DKK4: variants seen among roughly 807,000 people sequenced by gnomAD.
The protein encoded by DKK4 is dickkopf-related protein 4.
A neutral mutation model predicts 14.5 loss-of-function variants in DKK4; 15 were observed. The ratio of observed to expected loss-of-function variants is 1.03; its 90% confidence interval spans 0.69 to 1.59. DKK4 has a LOEUF of 1.59. Among genes scored for constraint, DKK4 ranks in the 40% most tolerant of loss-of-function variants. The pLI, the probability that DKK4 is intolerant of heterozygous loss-of-function variation, is 0.00. For synonymous variants in DKK4, 89 were observed against 105.2 expected (o/e 0.85, Z 0.94); for missense variants, 272 against 280.3 (o/e 0.97, Z 0.21).
the DKK4 span, among the ~76,000 whole-genome samples, chr8:42,387,877 G>C: frequency 6.6e-6 from 1 of 150,800 alleles, no homozygotes; most frequent in Non-Finnish European, 1.5e-5. Flanking sequence ...ACAGAATGTT[G>C]TGAAATTTCC....
At chr8:42,377,319 A>T, upstream of DKK4, 1 of 395,748 alleles carries the variant, frequency 2.5e-6, no homozygotes, top group South Asian at 5.1e-5. Context: ...GGCTTCAACA[A>T]ATCCCTTCAA....
At chr8:42,380,567 AG>A (rs1824655016), upstream of DKK4, among the ~76,000 whole-genome samples, 1 of 150,870 alleles carries the variant, frequency 6.6e-6, no homozygotes, top group South Asian at 2.1e-4. Flanking sequence ...AAAAAATGAA[AG>A]GAAGACAAAC....
the DKK4 span, among the ~76,000 whole-genome samples, chr8:42,390,641 G>A: frequency 2.6e-5 from 4 of 152,246 alleles, no homozygotes; most frequent in East Asian, 7.7e-4. Context: ...GGGATTACAG[G>A]CTGCTTCCTT....
upstream of DKK4, chr8:42,377,296 C>T (rs1824584276): frequency 4.2e-6 from 2 of 476,818 alleles, no homozygotes; most frequent in South Asian, 3.4e-5. Context: ...GTTCCTTCCT[C>T]CTGCCCCACA....
the DKK4 span, among the ~76,000 whole-genome samples, chr8:42,387,778 G>A: frequency 2.0e-5 from 3 of 152,268 alleles, no homozygotes; most frequent in East Asian, 3.9e-4. Flanking sequence ...CTTCCTCCAC[G>A]GTTTTCTCAT....
chr8:42,380,405 AAGAAAG>A (rs1297266212), upstream of DKK4, among the ~76,000 whole-genome samples: 4 of 95,060 alleles, frequency 4.2e-5, no homozygotes, highest in African/African-American at 6.0e-4. Flanking sequence ...GGAAGGAAAA[AAGAAAG>A]AAAAGAAAGA....
chr8:42,390,413 G>C, the DKK4 span, among the ~76,000 whole-genome samples: 4 of 141,830 alleles, frequency 2.8e-5, no homozygotes, highest in South Asian at 9.1e-4. Context: ...GCCCAGGCTG[G>C]AGTGCAGTGG....
At chr8:42,384,406 G>A in the DKK4 span, among the ~76,000 whole-genome samples, 1 of 152,198 alleles carries the variant, frequency 6.6e-6, no homozygotes, top group African/African-American at 2.4e-5. Context: ...GCCTCCCAAA[G>A]TGCTAGGATT....
the DKK4 span, among the ~76,000 whole-genome samples, chr8:42,384,071 TGAC>T: frequency 6.3e-4 from 96 of 152,338 alleles, no homozygotes; most frequent in Middle Eastern, 3.4e-3. Context: ...ACGCTGCGGC[TGAC>T]ATGTTCATGG....
chr8:42,376,115 A>G (rs137895573), intron 1 of DKK4, among the ~76,000 whole-genome samples: 1 of 152,224 alleles, frequency 6.6e-6, no homozygotes, highest in Non-Finnish European at 1.5e-5. Context: ...ATGTTTTCCT[A>G]TGTGTGTCTT....
intron 2 of DKK4, 135 bp downstream of exon 2, chr8:42,375,545 G>C: frequency 9.2e-7 from 1 of 1,092,250 alleles, no homozygotes; most frequent in Non-Finnish European, 1.3e-6. Context: ...GAAAAGAAAA[G>C]GCAGCTGCAT....
upstream of DKK4, among the ~76,000 whole-genome samples, chr8:42,380,578 C>T (rs185786182): frequency 4.1e-4 from 42 of 103,162 alleles, no homozygotes; most frequent in Admixed American, 3.0e-3. Flanking sequence ...GGAAGACAAA[C>T]GAAAGGAAGG....
upstream of DKK4, among the ~76,000 whole-genome samples, chr8:42,378,619 G>A (rs889015094): frequency 1.3e-5 from 2 of 152,032 alleles, no homozygotes; most frequent in African/African-American, 2.4e-5. Context: ...GAGCCCCCAG[G>A]GTTCTGTCTC....
rs765548766 is a variant in DKK4, at chr8:42,374,203, A to G, written c.572T>C (p.Phe191Ser). Residue 191 changes from phenylalanine to serine, a missense_variant, in exon 4 of 4, where the codon TTC becomes TCC. By Grantham distance (155) the Phe-to-Ser change is radical. Coordinates refer to ENST00000220812, the MANE Select transcript of DKK4 (RefSeq NM_014420.3). Reference protein sequence around the residue: ...HKDTAQAPEIFQRCDCGPGLL... With the variant: ...HKDTAQAPEISQRCDCGPGLL... ...TCCAGGGCCACAGTCGCAACGCTGG[A>G]AGATTTCTGGAGCTTGAGCAGTGTC... 2 of 1,613,504 alleles carry G rather than the reference A, an allele frequency of 1.2e-6. No homozygotes were observed. Among genetic ancestry groups the G allele is most frequent in the Admixed American group, 3.3e-5 (2 of 59,884 alleles).
chr8:42,387,548 C>T, the DKK4 span, among the ~76,000 whole-genome samples: 8 of 151,974 alleles, frequency 5.3e-5, no homozygotes, highest in African/African-American at 1.9e-4. Flanking sequence ...TTAGTAGAGA[C>T]AGGGTTTCAC....
chr8:42,390,199 T>G, the DKK4 span, among the ~76,000 whole-genome samples: 1 of 151,882 alleles, frequency 6.6e-6, no homozygotes, highest in Non-Finnish European at 1.5e-5. Context: ...CGGGGCCCCC[T>G]CAGAAAATTT....
chr8:42,379,378 T>TATATAG (rs1166847600), upstream of DKK4, among the ~76,000 whole-genome samples: 13 of 34,552 alleles, frequency 3.8e-4, no homozygotes, highest in African/African-American at 6.5e-4. Context: ...TATATATATA[T>TATATAG]AGAGAGAGAG....
At chr8:42,376,395 T>C (rs1824565535) in intron 1 of DKK4, among the ~76,000 whole-genome samples, 1 of 152,254 alleles carries the variant, frequency 6.6e-6, no homozygotes, top group African/African-American at 2.4e-5. Context: ...ATATATGATA[T>C]ATGTAATAAT....
upstream of DKK4, among the ~76,000 whole-genome samples, chr8:42,382,149 C>T (rs1824690956): frequency 6.6e-6 from 1 of 152,174 alleles, no homozygotes; most frequent in Non-Finnish European, 1.5e-5. Context: ...GAAAAACCTC[C>T]CTTAATCTGA....
Sources: allele counts gnomAD v4.1 joint callset (sites outside exome capture counted in the v4.1 genomes callset), GRCh38; gene constraint gnomAD v4.1.1; transcripts MANE v1.5; gene names NCBI Gene and HGNC (gene_info 2026-07-23, HGNC 2026-07-21).